CCDC32: variants seen among roughly 807,000 people sequenced by gnomAD.
CCDC32 encodes the protein coiled-coil domain-containing protein 32.
In CCDC32, 9 loss-of-function variants were observed where a neutral mutation model predicts 20.1. The ratio of observed to expected loss-of-function variants is 0.45; its 90% CI spans 0.27 to 0.78. The LOEUF is 0.78. CCDC32 is among the 30% of genes least tolerant of loss of function. The pLI, the probability that CCDC32 is intolerant of heterozygous loss-of-function variation, is 0.16. For synonymous variants in CCDC32, 63 were observed against 79.0 expected (o/e 0.80, Z 1.07); for missense variants, 204 against 215.5 (o/e 0.95, Z 0.33).
In CCDC32 at chr15:40,542,880, A is replaced by T. The variant is rs571787934; in HGVS notation, c.402-3525T>A. The stretch of plus-strand genomic sequence containing the variant: ...AAAAAAAAAAAAAAGATGCCTGGCC[A>T]GGTGGGGTGGCTCATGCCTATAATC... On this transcript the variant is annotated intron_variant, in intron 3 of 3. Coordinates refer to the CCDC32 transcript ENST00000558113. Among the ~76,000 whole-genome samples the T allele has an allele frequency of 5.5e-4, 82 of 149,866 alleles. No homozygotes were observed. The East Asian group carries it at 0.014, about 26-fold the overall frequency.
Position 40,554,039 on chromosome 15 carries a change from G to A in CCDC32, c.490C>T (p.Gln164Ter). 6.2e-7 allele frequency: 1 copy of A among 1,613,608 alleles called. No individual in the cohort carries two copies. Among genetic ancestry groups the A allele is most frequent in the South Asian group, 1.1e-5 (1 of 91,062 alleles). ...EVQYLIPPESQVEKPVAEDEP... is the reference protein window; with the variant it reads ...EVQYLIPPES ...TCCTCGGCCACTGGCTTCTCAACCT[G>A]TGACTCTGGAGGAATCAGATACTGG... Residue 164 changes from glutamine (Q) to a stop codon, truncating the protein, a stop_gained, in exon 4 of 4, where the codon CAG (glutamine) becomes TAG (stop). Transcript: ENST00000416810. LOFTEE classifies it high-confidence loss of function.
chr15:40,553,740 C>T lies in CCDC32; in HGVS notation c.*231G>A. On this transcript the variant is annotated 3_prime_UTR_variant, in exon 4 of 4. Coordinates refer to ENST00000416810, the MANE Select transcript of CCDC32 (RefSeq NM_001080792.4). ...GATCCAGTGTGCACTGGGTCAGTCA[C>T]TTCATCCGAGACAGTCACACATGCC... 1 of 1,346,670 alleles carries T rather than the reference C, an allele frequency of 7.4e-7. No individual in the cohort carries two copies. The allele number at this position is 1,346,670 out of a possible 1,614,324, so 83.4% of individuals were successfully genotyped here. A position where few individuals can be genotyped will look rare whatever the true frequency, so the allele number is the denominator to read the frequency against.
chr15:40,541,426 G>A (rs556080682), intron 3 of CCDC32, among the ~76,000 whole-genome samples: 2 of 151,936 alleles, frequency 1.3e-5, no homozygotes, highest in Non-Finnish European at 2.9e-5. Flanking sequence ...TCCGCCTCCC[G>A]GGTTCAAGCA....
At chr15:40,531,738 C>T (rs1165916083), downstream of CCDC32, 4 of 152,216 alleles carry the variant, frequency 2.6e-5, no homozygotes, top group Admixed American at 6.6e-5. Flanking sequence ...CCTCAGCCTT[C>T]CAAGTAGCTG....
At chr15:40,561,135 C>T (rs777790867) in intron 2 of CCDC32, among the ~76,000 whole-genome samples, 10 of 152,194 alleles carry the variant, frequency 6.6e-5, no homozygotes, top group Non-Finnish European at 1.5e-4. Flanking sequence ...GCCATACGTT[C>T]TCACTTATAA....
downstream of CCDC32, chr15:40,531,334 T>G (rs1207648786): frequency 6.6e-6 from 1 of 151,096 alleles, no homozygotes; most frequent in East Asian, 1.9e-4. Context: ...TTTTTTATTT[T>G]TTTTTTGAGA....
At chr15:40,522,701 G>C in the CCDC32 span, among the ~76,000 whole-genome samples, 1 of 152,086 alleles carries the variant, frequency 6.6e-6, no homozygotes, top group Non-Finnish European at 1.5e-5. Flanking sequence ...TGGGTAACTT[G>C]AGTAAAGCCC....
chr15:40,562,705 A>C (rs138790573), intron 2 of CCDC32, 67 bp downstream of exon 2: 1 of 1,530,870 alleles, frequency 6.5e-7, no homozygotes, highest in East Asian at 2.3e-5. Context: ...CAACAACACA[A>C]AAGAATAGGA....
At chr15:40,530,722 CT>C (rs35147425), downstream of CCDC32, among the ~76,000 whole-genome samples, 116,485 of 139,136 alleles carry the variant, frequency 0.84, 50,643 homozygotes, top group Non-Finnish European at 0.95. Flanking sequence ...TCAGGTATTC[CT>C]TTTTTTTTTT....
rs60438611 is a variant in CCDC32, at chr15:40,553,905, C to CGTGT, written c.*62_*65dup. On this transcript the variant is annotated 3_prime_UTR_variant, in exon 4 of 4. Transcript: ENST00000416810. ...CTCTGGACCCGAGACAGCTGCTCGG[C>CGTGT]GTGTGTGTGTGTGTGTGTGTGTGTG... 3.9e-4 allele frequency: 558 copies of CGTGT among 1,435,080 alleles called. 3 individuals are homozygous for CGTGT. The East Asian group carries it at 4.6e-3, about 12-fold the overall frequency. 88.9% of individuals were successfully genotyped at this position (1,435,080 alleles called of 1,614,324 possible). A position where few individuals can be genotyped will look rare whatever the true frequency, so the allele number is the denominator to read the frequency against.
At chr15:40,528,206 T>A (rs980221428), downstream of CCDC32, among the ~76,000 whole-genome samples, 15 of 152,228 alleles carry the variant, frequency 9.9e-5, no homozygotes, top group African/African-American at 2.7e-4. Flanking sequence ...CGGTCAGTCA[T>A]GTACGTTCAC....
chr15:40,557,286 A>C lies in CCDC32; in HGVS notation c.331T>G (p.Cys111Gly), dbSNP rs773494748. The part of the protein sequence containing the change: ...LRTLAQAKKE[C>G]WDRFLQEKLA... ...TTCTCCTGGAGGAACCGATCCCAGC[A>C]TTCCTTCTTGGCTTGGGCCAGAGTT... Residue 111 changes from cysteine to glycine, a missense_variant, in exon 3 of 4, where the codon TGC becomes GGC. By Grantham distance (159) the Cys-to-Gly change is radical (BLOSUM62 -3). Coordinates refer to ENST00000416810, the MANE Select transcript of CCDC32 (RefSeq NM_001080792.4). 1 of 1,614,230 alleles carries C rather than the reference A, an allele frequency of 6.2e-7. No individual in the cohort carries two copies. The highest frequency in any genetic ancestry group is 8.5e-7 in the Non-Finnish European group (1 of 1,180,030).
downstream of CCDC32, among the ~76,000 whole-genome samples, chr15:40,524,240 C>T (rs1387789959): frequency 2.7e-5 from 4 of 147,816 alleles, no homozygotes; most frequent in African/African-American, 7.5e-5. Flanking sequence ...TCTGCAAGCT[C>T]CAGCCTCCCA....
chr15:40,563,810 T>TC (rs1890824105), intron 1 of CCDC32, among the ~76,000 whole-genome samples: 1 of 139,746 alleles, frequency 7.2e-6, no homozygotes, highest in African/African-American at 2.6e-5. Flanking sequence ...TTCTGTTTTT[T>TC]TTTCTTTCTT....
intron 2 of CCDC32, among the ~76,000 whole-genome samples, chr15:40,558,798 C>G (rs1363408920): frequency 9.6e-6 from 1 of 104,146 alleles, no homozygotes; most frequent in East Asian, 3.7e-4. Flanking sequence ...TACACTTTTT[C>G]TTTCTTTCTT....
downstream of CCDC32, among the ~76,000 whole-genome samples, chr15:40,524,082 C>A (rs1276293453): frequency 2.3e-5 from 3 of 128,406 alleles, no homozygotes; most frequent in Non-Finnish European, 3.3e-5. Context: ...ATATCCAGAA[C>A]AATTAAAGAC....
chr15:40,550,548 C>T (rs536577006), downstream of CCDC32, among the ~76,000 whole-genome samples: 6 of 152,342 alleles, frequency 3.9e-5, 1 homozygote, highest in East Asian at 1.2e-3. Context: ...CTCTCAGTTT[C>T]AAATTTAGTG....
intron 3 of CCDC32, among the ~76,000 whole-genome samples, chr15:40,539,840 CCACACACACACA>C (rs142688774): frequency 1.6e-3 from 217 of 134,632 alleles, no homozygotes; most frequent in African/African-American, 5.7e-3. Context: ...CAAACTGTTG[CCACACACACACA>C]CACACACACA....
At chr15:40,529,336 C>T (rs921586461) in intron 3 of CCDC32, among the ~76,000 whole-genome samples, 1 of 152,206 alleles carries the variant, frequency 6.6e-6, no homozygotes, top group Admixed American at 6.5e-5. Context: ...CACACCTTTC[C>T]TCAGTCTTTT....
Sources: gnomAD v4.1 joint callset for allele counts (sites outside exome capture counted in the v4.1 genomes callset) on GRCh38, gnomAD v4.1.1 for gene constraint, MANE v1.5 for transcripts, NCBI Gene and HGNC (gene_info 2026-07-23, HGNC 2026-07-21) for gene names.